Variants in SBNO2 observed in about 807,000 individuals in gnomAD.
SBNO2 encodes the protein protein strawberry notch homolog 2.
SBNO2 carries 89 observed loss-of-function variants against 146.3 expected under a neutral mutation model. The ratio of observed to expected loss-of-function variants is 0.61; its 90% CI spans 0.51 to 0.73. The LOEUF (loss-of-function observed/expected upper bound fraction) is 0.73. SBNO2 is among the 30% of genes least tolerant of loss of function. SBNO2 has a pLI of 0.00. For missense variants in SBNO2, 2,092 were observed against 2,003.7 expected (o/e 1.04, Z -0.84); for synonymous variants, 1,147 against 892.6 (o/e 1.29, Z -5.08).
intron 1 of SBNO2, among the ~76,000 whole-genome samples, chr19:1,171,246 C>T (rs917797863): frequency 7.9e-5 from 12 of 152,118 alleles, no homozygotes; most frequent in African/African-American, 2.9e-4. Context: ...GCACCCACAT[C>T]CGTACAACAC....
At position 1,108,273 on chromosome 19, in the gene SBNO2, G is replaced by GC; in HGVS notation, c.4047dup (p.Gln1350AlafsTer22). On this transcript the variant is annotated frameshift_variant, in exon 32 of 32. Transcript: ENST00000361757. LOFTEE classifies it high-confidence loss of function. ...GGTGGGCTGAACTGGATCACGCTCT[G>GC]CCGCTCGGGACCACCGCCCGCCGCG... is the stretch of plus-strand genomic sequence containing the variant. The GC allele has an allele frequency of 6.6e-7, 1 of 1,517,642 alleles. No homozygotes were observed. The highest frequency in any genetic ancestry group is 2.7e-5 in the East Asian group (1 of 36,978). The allele number at this position is 1,517,642 out of a possible 1,614,324, so 94.0% of individuals were successfully genotyped here.
At chr19:1,161,840 G>C (rs1170881887) in intron 1 of SBNO2, among the ~76,000 whole-genome samples, 1 of 149,420 alleles carries the variant, frequency 6.7e-6, no homozygotes, top group Non-Finnish European at 1.5e-5. Flanking sequence ...TCTTGTGAAA[G>C]AGTCGTCAGT....
chr19:1,108,960 G>A lies in SBNO2; in HGVS notation c.3435C>T (p.His1145=), dbSNP rs1383088740. 1 of 1,538,846 alleles carries A rather than the reference G, an allele frequency of 6.5e-7. No homozygotes were observed. The highest frequency in any genetic ancestry group is 8.7e-7 in the Non-Finnish European group (1 of 1,148,428). ...THCSHSAWNR[H]CRLAQEGKDC... is the part of the protein sequence containing the mutation. ...CCTTACCCTCCTGCGCCAGCCGGCA[G>A]TGCCGGTTCCTGCGGACGAGACGGG... is the stretch of plus-strand genomic sequence containing the variant. Residue 1145 remains histidine (H), a synonymous_variant, in exon 31 of 32, where the codon CAC becomes CAT. Transcript: ENST00000361757.
At position 1,123,679 on chromosome 19, in the gene SBNO2, G is replaced by C. The variant is rs764590465; in HGVS notation, c.523-40C>G. The C allele has an allele frequency of 4.5e-6, 7 of 1,560,442 alleles. No individual in the cohort carries two copies. The East Asian group carries it at 1.6e-4, about 37-fold the overall frequency. On this transcript the variant is annotated intron_variant, in intron 6 of 31. Coordinates refer to ENST00000361757, the MANE Select transcript of SBNO2 (RefSeq NM_014963.3). ...GGAGCTCAGCGGAGACTGCAGGCCT[G>C]AGCGGCCGCGGGCACTGGGCTCCCC...
At chr19:1,123,148 G>T (rs189317809) in intron 7 of SBNO2, 103 bp from the exon 8 acceptor site, 24 of 1,316,460 alleles carry the variant, frequency 1.8e-5, no homozygotes, top group South Asian at 2.7e-5. Context: ...CAGAGCTGGC[G>T]GGGCAGTTTG....
intron 3 of SBNO2, 110 bp downstream of exon 3, chr19:1,149,259 C>T: frequency 1.0e-6 from 1 of 999,944 alleles, no homozygotes; most frequent in Non-Finnish European, 1.5e-6. Context: ...CCCTCCAAAC[C>T]CCTCAACAAG....
chr19:1,131,993 G>T (rs1376712083), intron 4 of SBNO2: 30 of 886,170 alleles, frequency 3.4e-5, no homozygotes, highest in Non-Finnish European at 4.7e-5. Context: ...ATGAGATGCC[G>T]GCTGCTCCGG....
At chr19:1,143,886 A>C (rs1014456713) in intron 4 of SBNO2, among the ~76,000 whole-genome samples, 33 of 152,150 alleles carry the variant, frequency 2.2e-4, no homozygotes, top group African/African-American at 8.0e-4. Context: ...TCCCATCTGC[A>C]GGTCCCGTCT....
chr19:1,110,826 G>T lies in SBNO2; in HGVS notation c.2947C>A (p.Leu983Met). Residue 983 changes from leucine to methionine, a missense_variant, in exon 26 of 32, where the codon CTG becomes ATG. Physicochemically the swap from Leu to Met is conservative, Grantham distance 15. Coordinates refer to ENST00000361757, the MANE Select transcript of SBNO2 (RefSeq NM_014963.3). The surrounding 1 kb of genome is among the most constrained non-coding windows in gnomAD (Gnocchi z 4.9). The stretch of plus-strand genomic sequence containing the variant: ...AAGGTGTCTGAGAAGTACTGGAACA[G>T]GGCGTTCTGCTTGTGCACCTCCAGC... Reference protein sequence around the residue: ...LGLEVHKQNALFQYFSDTFDH... With the variant: ...LGLEVHKQNAMFQYFSDTFDH... 6.2e-7 allele frequency: 1 copy of T among 1,613,648 alleles called. No homozygotes were observed. The highest frequency in any genetic ancestry group is 8.5e-7 in the Non-Finnish European group (1 of 1,179,732).
In SBNO2 at chr19:1,114,319, C is replaced by A. The variant is rs368585009; in HGVS notation, c.1989G>T (p.Leu663=). ...DDSSTESDPG[L]DSDFNSSPES... Reference sequence around the variant, plus strand: ...CGGGGGAGGAGTTGAAGTCGCTGTCCAGGCCAGGGTCCGACTCCGTGCTGC... The same window carrying A: ...CGGGGGAGGAGTTGAAGTCGCTGTCAAGGCCAGGGTCCGACTCCGTGCTGC... Residue 663 remains leucine, a synonymous_variant, in exon 18 of 32, where the codon CTG becomes CTT. Transcript: ENST00000361757. 1 of 1,556,594 alleles carries A rather than the reference C, an allele frequency of 6.4e-7. No homozygotes were observed. The highest frequency in any genetic ancestry group is 8.7e-7 in the Non-Finnish European group (1 of 1,150,238).
In SBNO2 at chr19:1,113,582, G is replaced by C. The variant is rs781004161; in HGVS notation, c.2200C>G (p.Leu734Val). 3 of 1,601,552 alleles carry C rather than the reference G, an allele frequency of 1.9e-6. No individual in the cohort carries two copies. In the East Asian group the frequency reaches 6.9e-5, roughly 37 times the overall value. The change falls in exon 19 of 32, where the codon CTG (leucine) becomes GTG (valine). Residue 734 changes from leucine to valine, a missense_variant. Coordinates refer to ENST00000361757, the MANE Select transcript of SBNO2 (RefSeq NM_014963.3). ...RLGRELPVNTLDELIDQLGGP... is the reference protein window; with the variant it reads ...RLGRELPVNTVDELIDQLGGP... ...CCCAGCTGGTCGATGAGCTCGTCCA[G>C]GGTGTTGACTGGCAGTTCCCGGCCC...
chr19:1,119,278 T>G (rs2079870425), intron 13 of SBNO2, 114 bp from the exon 14 acceptor site: 1 of 1,293,012 alleles, frequency 7.7e-7, no homozygotes, highest in Non-Finnish European at 1.1e-6. Flanking sequence ...AGCAGAGCCC[T>G]GGCGGCCACT....
At chr19:1,123,167 GC>G in intron 7 of SBNO2, 122 bp from the exon 8 acceptor site, 1 of 1,151,366 alleles carries the variant, frequency 8.7e-7, no homozygotes, top group Non-Finnish European at 1.2e-6. Context: ...TGGGGGCGTG[GC>G]CAGGTCCCGT....
rs2145189195 is a variant in SBNO2, at chr19:1,110,984, A to G, written c.2884+35T>C. Reference sequence around the variant, plus strand: ...GCCAAGGTTGCATGAGATGAGAGACAGGAGCGCCTCTGGGCCTGGGTGTGG... The same window carrying G: ...GCCAAGGTTGCATGAGATGAGAGACGGGAGCGCCTCTGGGCCTGGGTGTGG... On this transcript the variant is annotated intron_variant, in intron 25 of 31. Transcript: ENST00000361757. The surrounding 1 kb of genome is among the most constrained non-coding windows in gnomAD (Gnocchi z 4.9). 6.2e-7 allele frequency: 1 copy of G among 1,605,988 alleles called. No homozygotes were observed. The highest frequency in any genetic ancestry group is 8.5e-7 in the Non-Finnish European group (1 of 1,176,488).
In SBNO2 at chr19:1,116,901, G is replaced by A; in HGVS notation, c.1730C>T (p.Thr577Met). Residue 577 changes from threonine (T) to methionine (M), a missense_variant, in exon 16 of 32, where the codon ACG becomes ATG. Coordinates refer to ENST00000361757, the MANE Select transcript of SBNO2 (RefSeq NM_014963.3). Reference sequence around the variant, plus strand: ...CACCTCCCGCGTGCGCGCCTCGCCCGTGGACTGCAGCCCGATGACCACGCA... The same window carrying A: ...CACCTCCCGCGTGCGCGCCTCGCCCATGGACTGCAGCCCGATGACCACGCA... ...DKCVVIGLQS[T>M]GEARTREVLG... is the part of the protein sequence containing the mutation. 1.9e-6 allele frequency: 3 copies of A among 1,567,138 alleles called. No homozygotes were observed. The highest frequency in any genetic ancestry group is 2.6e-6 in the Non-Finnish European group (3 of 1,161,290).
At chr19:1,164,019 C>T (rs1353972096) in intron 1 of SBNO2, among the ~76,000 whole-genome samples, 1 of 152,210 alleles carries the variant, frequency 6.6e-6, no homozygotes, top group Non-Finnish European at 1.5e-5. Flanking sequence ...GGAAGCTCCC[C>T]TCCCCCCGAC....
intron 11 of SBNO2, among the ~76,000 whole-genome samples, chr19:1,120,732 G>A (rs959185021): frequency 5.3e-5 from 8 of 151,880 alleles, no homozygotes; most frequent in East Asian, 1.9e-4. Context: ...GCAGCGGCGC[G>A]ATCTCAGCTC....
chr19:1,131,926 G>C (rs955816701), intron 4 of SBNO2, among the ~76,000 whole-genome samples: 14 of 152,242 alleles, frequency 9.2e-5, no homozygotes, highest in Admixed American at 2.6e-4. Flanking sequence ...ACTGCCAGAA[G>C]AGACGGACGG....
At chr19:1,121,230 G>A (rs2079897393) in intron 11 of SBNO2, among the ~76,000 whole-genome samples, 1 of 152,184 alleles carries the variant, frequency 6.6e-6, no homozygotes, top group Non-Finnish European at 1.5e-5. Context: ...CAAGTTCCAG[G>A]AAAGCAGTCT....
Sources: allele counts gnomAD v4.1 joint callset (sites outside exome capture counted in the v4.1 genomes callset), GRCh38; gene constraint gnomAD v4.1.1; non-coding constraint Gnocchi (gnomAD v3.1); transcripts MANE v1.5; gene names NCBI Gene and HGNC (gene_info 2026-07-23, HGNC 2026-07-21).